The following ITCH variants were observed in gnomAD, a reference collection of about 807,000 sequenced individuals.
ITCH encodes the protein itchy E3 ubiquitin protein ligase.
In ITCH, 28 loss-of-function variants were observed where a neutral mutation model predicts 126.8. The ratio of observed to expected loss-of-function variants is 0.22; its 90% CI spans 0.16 to 0.30. The LOEUF (loss-of-function observed/expected upper bound fraction) is 0.30. Ranked by LOEUF, ITCH falls within the 10% of genes least tolerant of loss-of-function variation. The probability of loss-of-function intolerance (pLI) is 1.00; values close to 1 mark genes in which losing one functional copy is unlikely to be tolerated. For synonymous variants in ITCH, 342 were observed against 340.0 expected (o/e 1.01, Z -0.06); for missense variants, 631 against 1,032.4 (o/e 0.61, Z 5.33).
chr20:34,413,319 C>T (rs985993316), intron 5 of ITCH, among the ~76,000 whole-genome samples: 1 of 151,970 alleles, frequency 6.6e-6, no homozygotes, highest in Non-Finnish European at 1.5e-5. Flanking sequence ...TTTTTTTCTA[C>T]CCCTCGACTA....
In ITCH at chr20:34,489,846, A is replaced by G; in HGVS notation, c.2239A>G (p.Ile747Val). 6.2e-7 allele frequency: 1 copy of G among 1,613,784 alleles called. No individual in the cohort carries two copies. ...LEVLLCGMQEIDLNDWQRHAI... is the reference protein window; with the variant it reads ...LEVLLCGMQEVDLNDWQRHAI... ...GGTCCTTTTATGTGGAATGCAAGAG[A>G]TTGATTTGAATGACTGGCAAAGACA... The change falls in exon 22 of 25, where the codon ATT becomes GTT. Residue 747 changes from isoleucine (I) to valine (V), a missense_variant. Physicochemically the swap from Ile to Val is conservative, Grantham distance 29. Transcript: ENST00000374864.
intron 6 of ITCH, among the ~76,000 whole-genome samples, chr20:34,420,543 G>T (rs911200091): frequency 2.0e-5 from 3 of 152,154 alleles, no homozygotes; most frequent in Non-Finnish European, 4.4e-5. Flanking sequence ...GCTGCTTTAA[G>T]CATTTGTGTA....
chr20:34,449,848 A>T (rs1327267984), intron 12 of ITCH, among the ~76,000 whole-genome samples: 3 of 152,178 alleles, frequency 2.0e-5, no homozygotes, highest in African/African-American at 7.2e-5. Flanking sequence ...AACCTGTGTG[A>T]TTCAATTCAT....
intron 15 of ITCH, among the ~76,000 whole-genome samples, chr20:34,470,362 C>G (rs1447818005): frequency 6.6e-6 from 1 of 151,854 alleles, no homozygotes; most frequent in Non-Finnish European, 1.5e-5. Context: ...GTGGGCAGAT[C>G]ACTTGAGCTC....
At chr20:34,466,428 A>G in intron 14 of ITCH, 2 of 520,572 alleles carry the variant, frequency 3.8e-6, no homozygotes, top group Non-Finnish European at 7.8e-6. Flanking sequence ...ATTACTTTCT[A>G]ATTTTATACT....
At chr20:34,403,105 A>G (rs2038942371) in intron 3 of ITCH, among the ~76,000 whole-genome samples, 1 of 152,140 alleles carries the variant, frequency 6.6e-6, no homozygotes, top group Admixed American at 6.6e-5. Flanking sequence ...GAGTTCTTCC[A>G]AAGAGGTAGC....
At chr20:34,422,948 C>G (rs1349447550) in intron 6 of ITCH, among the ~76,000 whole-genome samples, 1 of 152,154 alleles carries the variant, frequency 6.6e-6, no homozygotes, top group Non-Finnish European at 1.5e-5. Context: ...GCGCCCGCCA[C>G]CACACTCAGC....
chr20:34,449,246 C>A (rs1035332342), intron 11 of ITCH, among the ~76,000 whole-genome samples, 165 bp from the exon 12 acceptor site: 1 of 151,316 alleles, frequency 6.6e-6, no homozygotes, highest in Non-Finnish European at 1.5e-5. Flanking sequence ...TTTTTTAAAC[C>A]AAACCAAAGT....
At chr20:34,398,851 A>G (rs1257857754) in intron 3 of ITCH, among the ~76,000 whole-genome samples, 1 of 152,130 alleles carries the variant, frequency 6.6e-6, no homozygotes, top group Non-Finnish European at 1.5e-5. Flanking sequence ...ATTATTAGAT[A>G]TGAAACAGAG....
chr20:34,392,333 A>G (rs7266612), intron 2 of ITCH, among the ~76,000 whole-genome samples: 2,953 of 152,330 alleles, frequency 0.019, 46 homozygotes, highest in South Asian at 0.047. Context: ...AACATCTGAA[A>G]TAGTGTAATT....
At chr20:34,431,177 G>A (rs1209498866) in intron 7 of ITCH, among the ~76,000 whole-genome samples, 1 of 152,116 alleles carries the variant, frequency 6.6e-6, no homozygotes, top group Non-Finnish European at 1.5e-5. Context: ...CTTTTTGGGA[G>A]GCCCAAGGGG....
chr20:34,425,116 T>C (rs998735408), intron 7 of ITCH, among the ~76,000 whole-genome samples: 1 of 152,216 alleles, frequency 6.6e-6, no homozygotes, highest in Non-Finnish European at 1.5e-5. Flanking sequence ...ATGCTGTTAA[T>C]CTGTAACTTT....
At chr20:34,450,793 G>GA (rs1284845585) in intron 12 of ITCH, 1 of 152,118 alleles carries the variant, frequency 6.6e-6, no homozygotes, top group Non-Finnish European at 1.5e-5. Flanking sequence ...GAGTTATGGA[G>GA]AAAAAATGTT....
At chr20:34,399,699 GGTGTGGTCATAC>G (rs1475950471) in intron 3 of ITCH, among the ~76,000 whole-genome samples, 1 of 151,970 alleles carries the variant, frequency 6.6e-6, no homozygotes, top group East Asian at 2.0e-4. Flanking sequence ...AAATTAGCCA[GGTGTGGTCATAC>G]GTGCCTGTAA....
intron 24 of ITCH, among the ~76,000 whole-genome samples, chr20:34,505,021 C>A (rs1001395594): frequency 5.9e-5 from 9 of 151,906 alleles, no homozygotes; most frequent in Non-Finnish European, 1.3e-4. Flanking sequence ...CAGTTCGGTT[C>A]AGTGGGGTTT....
At chr20:34,373,855 C>T (rs1001618465) in intron 2 of ITCH, among the ~76,000 whole-genome samples, 2 of 151,958 alleles carry the variant, frequency 1.3e-5, no homozygotes, top group African/African-American at 4.8e-5. Flanking sequence ...ATTCTGCAAC[C>T]TTTTCTTTGT....
chr20:34,445,001 G>A (rs1245372004), intron 10 of ITCH, among the ~76,000 whole-genome samples: 2 of 152,148 alleles, frequency 1.3e-5, no homozygotes, highest in Non-Finnish European at 2.9e-5. Flanking sequence ...TCCCTGTTAT[G>A]ATTGAAACAG....
intron 17 of ITCH, among the ~76,000 whole-genome samples, chr20:34,478,644 A>G (rs921451328): frequency 6.6e-6 from 1 of 152,164 alleles, no homozygotes; most frequent in Non-Finnish European, 1.5e-5. Context: ...TATTGTGAAG[A>G]GTAGAAATAT....
At chr20:34,441,062 G>A (rs2146289027) in intron 9 of ITCH, among the ~76,000 whole-genome samples, 1 of 152,194 alleles carries the variant, frequency 6.6e-6, no homozygotes. Flanking sequence ...CCTGAGGTCA[G>A]GAGTTCGAGA....
Sources: gnomAD v4.1 joint callset for allele counts (sites outside exome capture counted in the v4.1 genomes callset) on GRCh38, gnomAD v4.1.1 for gene constraint, MANE v1.5 for transcripts, NCBI Gene and HGNC (gene_info 2026-07-23, HGNC 2026-07-21) for gene names.